Variants in TRIP12 observed in about 807,000 individuals in gnomAD.
TRIP12 encodes E3 ubiquitin-protein ligase TRIP12.
A neutral mutation model predicts 244.2 loss-of-function variants in TRIP12; 25 were observed. That is an observed-to-expected ratio of 0.10 (90% CI 0.07 to 0.14). The LOEUF is 0.14. Among genes scored for constraint, TRIP12 ranks in the 10% least tolerant of loss-of-function variants. TRIP12 has a pLI of 1.00. For synonymous variants in TRIP12, 905 were observed against 873.1 expected (o/e 1.04, Z -0.64); for missense variants, 1,677 against 2,486.4 (o/e 0.67, Z 6.92).
chr2:229,839,876 T>TCA (rs2055939535), intron 5 of TRIP12, among the ~76,000 whole-genome samples: 2 of 152,320 alleles, frequency 1.3e-5, no homozygotes, highest in Admixed American at 1.3e-4. Flanking sequence ...ATTAACTGTA[T>TCA]CACATCAAAG....
chr2:229,883,468 T>G (rs2065290038), intron 1 of TRIP12, among the ~76,000 whole-genome samples: 1 of 152,230 alleles, frequency 6.6e-6, no homozygotes, highest in Admixed American at 6.5e-5. Context: ...TAGCCGGTAG[T>G]GAATATGAAC....
intron 2 of TRIP12, among the ~76,000 whole-genome samples, chr2:229,876,628 A>T (rs1436959834): frequency 6.6e-6 from 1 of 152,196 alleles, no homozygotes; most frequent in Non-Finnish European, 1.5e-5. Context: ...GCTAGTATTA[A>T]CCACTTCCAT....
chr2:229,922,639 C>A, upstream of TRIP12: 1 of 1,608,970 alleles, frequency 6.2e-7, no homozygotes, highest in South Asian at 1.1e-5. Flanking sequence ...TACCCTCTCT[C>A]CTAACTCCCT....
chr2:229,879,399 A>G (rs748845218), intron 2 of TRIP12, among the ~76,000 whole-genome samples: 3 of 152,222 alleles, frequency 2.0e-5, no homozygotes, highest in Non-Finnish European at 4.4e-5. Flanking sequence ...GGAGTATTAC[A>G]TTCAAGAAAA....
chr2:229,805,897 G>A lies in TRIP12; in HGVS notation c.2497-14C>T. 1 of 1,518,068 alleles carries A rather than the reference G, an allele frequency of 6.6e-7. No individual in the cohort carries two copies. The highest frequency in any genetic ancestry group is 9.0e-7 in the Non-Finnish European group (1 of 1,116,544). The allele number at this position is 1,518,068 out of a possible 1,614,324, so 94.0% of individuals were successfully genotyped here. The stretch of plus-strand genomic sequence containing the variant: ...CTGATGGGCTGCCTGAGAGCAAAGA[G>A]AGAGAAACTTTGAATATAAACATTG... On this transcript the variant is annotated splice_polypyrimidine_tract_variant and intron_variant, in intron 17 of 41. Coordinates refer to ENST00000675903, the MANE Select transcript of TRIP12 (RefSeq NM_001348323.3).
intron 4 of TRIP12, among the ~76,000 whole-genome samples, chr2:229,841,332 A>C (rs1021142321): frequency 6.6e-6 from 1 of 152,222 alleles, no homozygotes; most frequent in Non-Finnish European, 1.5e-5. Context: ...CATTTCAGTT[A>C]GTTTATATAA....
At chr2:229,879,885 T>C in intron 2 of TRIP12, 97 bp downstream of exon 2, 3 of 1,322,026 alleles carry the variant, frequency 2.3e-6, no homozygotes, top group Middle Eastern at 2.5e-4. Flanking sequence ...ATTACCCATA[T>C]GCAATGAACC....
At chr2:229,781,518 A>C (rs1176490069) in intron 34 of TRIP12, among the ~76,000 whole-genome samples, 1 of 152,236 alleles carries the variant, frequency 6.6e-6, no homozygotes, top group African/African-American at 2.4e-5. Context: ...CATAGCCAGT[A>C]AGTGGGCAGG....
chr2:229,884,066 G>A (rs2065433347), intron 1 of TRIP12, among the ~76,000 whole-genome samples: 1 of 150,680 alleles, frequency 6.6e-6, no homozygotes, highest in South Asian at 2.1e-4. Context: ...AGCCAAGATT[G>A]CACCACTGCA....
intron 38 of TRIP12, among the ~76,000 whole-genome samples, chr2:229,772,652 C>T (rs572143420): frequency 3.4e-4 from 51 of 152,070 alleles, no homozygotes; most frequent in South Asian, 2.7e-3. Flanking sequence ...TTAGTAGAGA[C>T]GGGGTTTCAC....
At chr2:229,849,617 C>A (rs565989297) in intron 4 of TRIP12, among the ~76,000 whole-genome samples, 1 of 152,044 alleles carries the variant, frequency 6.6e-6, no homozygotes, top group Non-Finnish European at 1.5e-5. Context: ...AATCCAAGCA[C>A]TTTCGGAGGC....
intron 41 of TRIP12, 65 bp from the exon 42 acceptor site, chr2:229,767,815 A>G (rs1269713550): frequency 2.7e-6 from 4 of 1,485,428 alleles, no homozygotes; most frequent in Non-Finnish European, 3.7e-6. Context: ...ATCAGAAAAC[A>G]TTCCACTGCT....
At chr2:229,773,179 G>A (rs531958631) in intron 38 of TRIP12, among the ~76,000 whole-genome samples, 26 of 151,648 alleles carry the variant, frequency 1.7e-4, no homozygotes, top group Admixed American at 1.1e-3. Flanking sequence ...TGGTTCAAGC[G>A]GTTCTCCTGC....
chr2:229,795,153 G>C, intron 26 of TRIP12, 26 bp downstream of exon 26: 6 of 1,602,524 alleles, frequency 3.7e-6, no homozygotes, highest in Admixed American at 1.7e-5. Flanking sequence ...CCAGTGGCAA[G>C]GGTATAGCCA....
rs986756738 is a variant in TRIP12, at chr2:229,765,736, T to C, written c.*1818A>G. 5 of 152,224 alleles carry C rather than the reference T, an allele frequency of 3.3e-5. No individual in the cohort carries two copies. Among genetic ancestry groups the C allele is most frequent in the African/African-American group, 1.2e-4 (5 of 41,468 alleles). The allele number at this position is 152,224 out of a possible 1,614,324, so 9.4% of individuals were successfully genotyped here. A position where few individuals can be genotyped will look rare whatever the true frequency, so the allele number is the denominator to read the frequency against. On this transcript the variant is annotated 3_prime_UTR_variant, in exon 42 of 42. Coordinates refer to ENST00000675903, the MANE Select transcript of TRIP12 (RefSeq NM_001348323.3). ...TATCAGAACAGTTGAAAACAAATTG[T>C]TTCAGTCTTTAACTTCACTTGATGA...
chr2:229,922,674 C>T, upstream of TRIP12: 2 of 1,543,414 alleles, frequency 1.3e-6, no homozygotes, highest in South Asian at 2.3e-5. Flanking sequence ...GGGCCCGGGA[C>T]GCAGGCTGTG....
At chr2:229,840,699 T>G in intron 5 of TRIP12, 123 bp downstream of exon 5, 1 of 757,356 alleles carries the variant, frequency 1.3e-6, no homozygotes, top group Non-Finnish European at 2.0e-6. Flanking sequence ...CAAGACTCCG[T>G]CAAAAAACAA....
intron 4 of TRIP12, 36 bp downstream of exon 4, chr2:229,858,736 C>G (rs559587279): frequency 5.9e-6 from 9 of 1,519,596 alleles, no homozygotes; most frequent in Non-Finnish European, 7.1e-6. Context: ...GAGAAACTTT[C>G]TTTAATTAAA....
chr2:229,888,757 T>G (rs1006056690), intron 1 of TRIP12, among the ~76,000 whole-genome samples: 27 of 151,736 alleles, frequency 1.8e-4, no homozygotes, highest in African/African-American at 6.5e-4. Context: ...GAGCCAAGAT[T>G]GCGCCACTGC....
Sources: allele counts gnomAD v4.1 joint callset (sites outside exome capture counted in the v4.1 genomes callset), GRCh38; gene constraint gnomAD v4.1.1; transcripts MANE v1.5; gene names NCBI Gene and HGNC (gene_info 2026-07-23, HGNC 2026-07-21).